CDH13: variants seen among roughly 807,000 people sequenced by gnomAD.
CDH13 encodes the protein cadherin-13.
CDH13 carries 24 observed loss-of-function variants against 63.8 expected under a neutral mutation model. The ratio of observed to expected loss-of-function variants is 0.38; its 90% CI spans 0.27 to 0.53. The LOEUF is 0.53. Ranked by LOEUF, CDH13 falls within the 20% of genes least tolerant of loss-of-function variation. The probability of loss-of-function intolerance (pLI) is 0.85; values close to 1 mark genes in which losing one functional copy is unlikely to be tolerated. For synonymous variants in CDH13, 503 were observed against 355.3 expected (o/e 1.42, Z -4.67); for missense variants, 1,049 against 903.1 (o/e 1.16, Z -2.07).
intron 10 of CDH13, among the ~76,000 whole-genome samples, chr16:83,736,912 G>A (rs1911590081): frequency 6.6e-6 from 1 of 152,218 alleles, no homozygotes; most frequent in South Asian, 2.1e-4. Flanking sequence ...AACAGGTGGT[G>A]AGGAGGTTTT....
chr16:82,786,334 A>G (rs2035999766), intron 1 of CDH13, among the ~76,000 whole-genome samples: 1 of 152,106 alleles, frequency 6.6e-6, no homozygotes, highest in African/African-American at 2.4e-5. Context: ...ATGGGACAAA[A>G]TGGACACTAT....
intron 7 of CDH13, among the ~76,000 whole-genome samples, chr16:83,551,789 A>T (rs1232112405): frequency 6.6e-6 from 1 of 151,844 alleles, no homozygotes; most frequent in Admixed American, 6.6e-5. Flanking sequence ...TACCCATCTC[A>T]CCTGCTGGCC....
intron 11 of CDH13, among the ~76,000 whole-genome samples, chr16:83,770,216 T>G (rs1160406440): frequency 6.6e-6 from 1 of 152,160 alleles, no homozygotes. Context: ...GCCATGTAGG[T>G]AAGAAAAGCA....
At chr16:83,467,672 T>C (rs140926311) in intron 6 of CDH13, among the ~76,000 whole-genome samples, 1 of 152,290 alleles carries the variant, frequency 6.6e-6, no homozygotes, top group East Asian at 1.9e-4. Flanking sequence ...ATGCTGTTCC[T>C]TCTGCCCTCT....
chr16:83,562,075 A>G (rs1221227564), intron 7 of CDH13, among the ~76,000 whole-genome samples: 3 of 152,182 alleles, frequency 2.0e-5, no homozygotes, highest in Admixed American at 1.3e-4. Context: ...GTGATGTCCA[A>G]GTGTCTTCCA....
At chr16:82,734,555 C>T (rs1194382272) in intron 1 of CDH13, among the ~76,000 whole-genome samples, 2 of 152,138 alleles carry the variant, frequency 1.3e-5, no homozygotes, top group African/African-American at 2.4e-5. Flanking sequence ...GACTCTCGCT[C>T]TTTGTGATAC....
intron 1 of CDH13, among the ~76,000 whole-genome samples, chr16:82,777,699 A>T (rs2035561353): frequency 6.6e-6 from 1 of 152,192 alleles, no homozygotes. Flanking sequence ...ATCAAGGCTA[A>T]AATCAAGGTG....
At chr16:82,947,984 ATTTGGCATT>A (rs1400312135) in intron 2 of CDH13, among the ~76,000 whole-genome samples, 7 of 152,202 alleles carry the variant, frequency 4.6e-5, no homozygotes, top group Non-Finnish European at 1.0e-4. Flanking sequence ...TATTGAATTC[ATTTGGCATT>A]CATGTGGACT....
chr16:82,863,174 G>A (rs762342764), intron 2 of CDH13, among the ~76,000 whole-genome samples: 4 of 152,148 alleles, frequency 2.6e-5, no homozygotes, highest in African/African-American at 4.8e-5. Flanking sequence ...GACAGAAATG[G>A]ACCACAAAGG....
chr16:82,842,145 T>TATAC (rs1555528171), intron 1 of CDH13, among the ~76,000 whole-genome samples: 9 of 27,600 alleles, frequency 3.3e-4, no homozygotes, highest in African/African-American at 8.1e-4. Context: ...TATACACATA[T>TATAC]ATATATATAT....
chr16:83,323,581 A>G (rs2090289196), intron 5 of CDH13, among the ~76,000 whole-genome samples: 1 of 152,208 alleles, frequency 6.6e-6, no homozygotes, highest in East Asian at 1.9e-4. Context: ...GCGCCTGGCC[A>G]AAGACCTCTC....
At chr16:83,248,173 CCACCAGCTGGGACAAAG>C (rs1296994513) in intron 5 of CDH13, among the ~76,000 whole-genome samples, 3 of 152,008 alleles carry the variant, frequency 2.0e-5, no homozygotes, top group African/African-American at 4.8e-5. Flanking sequence ...CAGAATGTTC[CCACCAGCTGGGACAAAG>C]CACAGGGAGA....
intron 13 of CDH13, among the ~76,000 whole-genome samples, chr16:83,784,631 C>CAAAA (rs575073144): frequency 0.028 from 2,879 of 101,090 alleles, 53 homozygotes; most frequent in Non-Finnish European, 0.045. Flanking sequence ...GGCTCTGTCT[C>CAAAA]AAAAAAAAAA....
intron 6 of CDH13, among the ~76,000 whole-genome samples, chr16:83,383,884 G>A (rs958580749): frequency 5.3e-5 from 8 of 152,162 alleles, no homozygotes; most frequent in African/African-American, 1.4e-4. Flanking sequence ...GTGAGGTTGT[G>A]GCTGCTGGAG....
At chr16:83,489,343 A>C (rs1014901414) in intron 7 of CDH13, among the ~76,000 whole-genome samples, 1 of 152,184 alleles carries the variant, frequency 6.6e-6, no homozygotes, top group Non-Finnish European at 1.5e-5. Context: ...ACAGCCCCCC[A>C]AAAAAGATCA....
At chr16:82,894,713 A>G (rs1208013221) in intron 2 of CDH13, among the ~76,000 whole-genome samples, 1 of 152,158 alleles carries the variant, frequency 6.6e-6, no homozygotes, top group African/African-American at 2.4e-5. Context: ...ATAAAATAAA[A>G]TAGAGACGAT....
At chr16:83,014,828 T>TTGTATATATATA (rs569336696) in intron 2 of CDH13, among the ~76,000 whole-genome samples, 3,685 of 87,646 alleles carry the variant, frequency 0.042, 479 homozygotes, top group African/African-American at 0.14. Context: ...ATATATATAT[T>TTGTATATATATA]TGTATATATA....
At chr16:83,623,866 T>C (rs114799545) in intron 8 of CDH13, among the ~76,000 whole-genome samples, 94 of 152,346 alleles carry the variant, frequency 6.2e-4, no homozygotes, top group African/African-American at 2.2e-3. Context: ...AGCGGAAGCC[T>C]AAGACTAGAG....
At chr16:82,686,064 A>G (rs1915038749) in intron 1 of CDH13, among the ~76,000 whole-genome samples, 3 of 152,348 alleles carry the variant, frequency 2.0e-5, no homozygotes, top group South Asian at 4.1e-4. Context: ...GCAAGTAGAA[A>G]TGATAATCAC....
Sources: gnomAD v4.1 joint callset for allele counts (sites outside exome capture counted in the v4.1 genomes callset) on GRCh38, gnomAD v4.1.1 for gene constraint, MANE v1.5 for transcripts, NCBI Gene and HGNC (gene_info 2026-07-23, HGNC 2026-07-21) for gene names.